STK33: variants seen among roughly 807,000 people sequenced by gnomAD.
STK33 encodes serine/threonine kinase 33, also known as serine/threonine-protein kinase 33.
STK33 carries 52 observed loss-of-function variants against 58.0 expected under a neutral mutation model. That is an observed-to-expected ratio of 0.90 (90% CI 0.72 to 1.13). The LOEUF is 1.13. STK33 is among the 50% of genes most tolerant of loss of function. STK33 has a pLI of 0.00. For synonymous variants in STK33, 215 were observed against 200.1 expected (o/e 1.07, Z -0.63); for missense variants, 630 against 604.2 (o/e 1.04, Z -0.45).
chr11:8,424,435 G>A (rs1038357896), intron 14 of STK33, among the ~76,000 whole-genome samples: 1 of 150,112 alleles, frequency 6.7e-6, no homozygotes, highest in African/African-American at 2.5e-5. Context: ...TGTGAATAGT[G>A]CCACAATAAA....
chr11:8,336,691 T>C, the STK33 span, among the ~76,000 whole-genome samples: 7 of 152,250 alleles, frequency 4.6e-5, no homozygotes, highest in East Asian at 1.2e-3. Context: ...CAGACTTCTT[T>C]GGCAGAAATT....
chr11:8,571,122 C>A (rs1957779857), intron 1 of STK33, among the ~76,000 whole-genome samples: 1 of 152,114 alleles, frequency 6.6e-6, no homozygotes, highest in Non-Finnish European at 1.5e-5. Context: ...CAGAATGCAG[C>A]AAATTCCCCA....
the STK33 span, among the ~76,000 whole-genome samples, chr11:8,362,895 TC>T: frequency 1.7e-4 from 25 of 145,504 alleles, no homozygotes; most frequent in South Asian, 4.3e-4. Flanking sequence ...TCTTCCTTCC[TC>T]TCTCTCTCCC....
intron 11 of STK33, among the ~76,000 whole-genome samples, chr11:8,447,967 A>C (rs1945728808): frequency 6.6e-6 from 1 of 152,228 alleles, no homozygotes; most frequent in Non-Finnish European, 1.5e-5. Flanking sequence ...ATGTGCAAAA[A>C]TCACAAGCAT....
Position 8,572,041 on chromosome 11 carries a change from T to TA in STK33, c.-466+22041dup, listed in dbSNP as rs1565393781. Among the ~76,000 whole-genome samples the TA allele has an allele frequency of 2.7e-5, 2 of 73,984 alleles. 1 individual carries two copies. The highest frequency in any genetic ancestry group is 6.5e-4 in the South Asian group (2 of 3,098). The allele number at this position is 73,984 out of a possible 152,430, so 48.5% of individuals were successfully genotyped here. A position where few individuals can be genotyped will look rare whatever the true frequency, so the allele number is the denominator to read the frequency against. ...TAAATTTTAATTTTAAAAAATAAAT[T>TA]AATTAATTAATTAATTTTAAAATTA... On this transcript the variant is annotated intron_variant, in intron 1 of 15. Transcript: ENST00000687296.
intron 1 of STK33, among the ~76,000 whole-genome samples, chr11:8,555,304 T>A (rs1956658061): frequency 1.3e-5 from 2 of 152,054 alleles, no homozygotes; most frequent in South Asian, 4.1e-4. Context: ...ACAAGAGGAA[T>A]GTTTTGAGAT....
chr11:8,461,903 T>C lies in STK33; in HGVS notation c.460A>G (p.Ser154Gly). ...IKKVNKEKAGSSAVKLLEREV... is the reference protein window; with the variant it reads ...IKKVNKEKAGGSAVKLLEREV... ...CGTTCAAGTAACTTCACAGCAGAGC[T>C]TCCAGCCTTAATCAATGAAGAAACA... The change falls in exon 8 of 16, where the codon AGC (serine) becomes GGC (glycine). Residue 154 changes from serine to glycine, a missense_variant. Ser to Gly is a moderately conservative substitution (Grantham distance 56, BLOSUM62 0). Coordinates refer to ENST00000687296, the MANE Select transcript of STK33 (RefSeq NM_001352389.2). 6.3e-7 allele frequency: 1 copy of C among 1,587,386 alleles called. No individual in the cohort carries two copies. The highest frequency in any genetic ancestry group is 8.6e-7 in the Non-Finnish European group (1 of 1,168,746).
At chr11:8,516,921 A>G (rs1202388569) in intron 1 of STK33, among the ~76,000 whole-genome samples, 10 of 152,190 alleles carry the variant, frequency 6.6e-5, no homozygotes, top group Admixed American at 5.9e-4. Context: ...CATAGCTGAA[A>G]AAAAGGCAGC....
intron 1 of STK33, among the ~76,000 whole-genome samples, chr11:8,546,224 C>T (rs149624667): frequency 6.6e-6 from 1 of 152,278 alleles, no homozygotes; most frequent in African/African-American, 2.4e-5. Flanking sequence ...GTACACTGTG[C>T]AAATACTTGT....
chr11:8,357,333 G>A, the STK33 span, among the ~76,000 whole-genome samples: 2 of 152,244 alleles, frequency 1.3e-5, no homozygotes, highest in African/African-American at 4.8e-5. Flanking sequence ...AGCAGCCCGC[G>A]GAGCCAGGAG....
At chr11:8,517,952 C>G (rs568797473) in intron 1 of STK33, among the ~76,000 whole-genome samples, 8 of 152,228 alleles carry the variant, frequency 5.3e-5, no homozygotes, top group African/African-American at 1.2e-4. Context: ...CCCAACCTAG[C>G]AAGGCAGGCC....
At chr11:8,357,283 C>T in the STK33 span, among the ~76,000 whole-genome samples, 1 of 152,240 alleles carries the variant, frequency 6.6e-6, no homozygotes, top group Non-Finnish European at 1.5e-5. Flanking sequence ...CTGGGTCCGG[C>T]CCCCGCAATG....
intron 1 of STK33, among the ~76,000 whole-genome samples, chr11:8,534,522 G>GTA: frequency 1.4e-5 from 2 of 147,520 alleles, no homozygotes; most frequent in African/African-American, 2.5e-5. Flanking sequence ...GTTCCAGCAA[G>GTA]TATATATATT....
chr11:8,393,610 G>T (rs7942481), intron 15 of STK33, among the ~76,000 whole-genome samples: 29,747 of 152,160 alleles, frequency 0.2, 3,337 homozygotes, highest in African/African-American at 0.3. Context: ...CTGGTTTACA[G>T]AGAATGATCG....
At chr11:8,387,683 C>G (rs1179397031), downstream of STK33, among the ~76,000 whole-genome samples, 1 of 152,194 alleles carries the variant, frequency 6.6e-6, no homozygotes, top group Non-Finnish European at 1.5e-5. Context: ...GACTTTGATT[C>G]TAGTAACTAA....
At chr11:8,570,107 C>A (rs1957705289) in intron 1 of STK33, among the ~76,000 whole-genome samples, 1 of 151,960 alleles carries the variant, frequency 6.6e-6, no homozygotes, top group South Asian at 2.1e-4. Context: ...AAAAAATAGG[C>A]AAAAGAACAG....
chr11:8,377,651 T>C, the STK33 span, among the ~76,000 whole-genome samples: 5 of 152,194 alleles, frequency 3.3e-5, no homozygotes, highest in African/African-American at 7.2e-5. Context: ...AAAGAGCAAA[T>C]TGGAAAAGAG....
intron 1 of STK33, among the ~76,000 whole-genome samples, chr11:8,490,744 T>G (rs1950549470): frequency 6.6e-6 from 1 of 152,172 alleles, no homozygotes; most frequent in Non-Finnish European, 1.5e-5. Flanking sequence ...AAATATTTGC[T>G]GTTCTGCAAT....
At chr11:8,421,420 T>C (rs891802857) in intron 14 of STK33, among the ~76,000 whole-genome samples, 2 of 152,208 alleles carry the variant, frequency 1.3e-5, no homozygotes, top group Non-Finnish European at 2.9e-5. Context: ...TCATCTTCCA[T>C]ACGACGACTG....
Sources: allele counts gnomAD v4.1 joint callset (sites outside exome capture counted in the v4.1 genomes callset), GRCh38; gene constraint gnomAD v4.1.1; transcripts MANE v1.5; gene names NCBI Gene and HGNC (gene_info 2026-07-23, HGNC 2026-07-21).